LIG3: variants seen among roughly 807,000 people sequenced by gnomAD.
LIG3 encodes the protein ligase II, DNA, ATP-dependent.
A neutral mutation model predicts 110.9 loss-of-function variants in LIG3; 58 were observed. The ratio of observed to expected loss-of-function variants is 0.52; its 90% CI spans 0.42 to 0.65. LIG3 has a LOEUF of 0.65. LIG3 is among the 30% of genes least tolerant of loss of function. LIG3 has a pLI of 0.00. For synonymous variants in LIG3, 422 were observed against 472.8 expected, an observed-to-expected ratio of 0.89 and a Z score of 1.39; for missense variants, 1,094 against 1,273.8, an observed-to-expected ratio of 0.86 and a Z score of 2.15.
At position 35,004,415 on chromosome 17, in the gene LIG3, G is replaced by T. The variant is rs1226298526; in HGVS notation, c.2939G>T (p.Gly980Val). 1 of 1,614,224 alleles carries T rather than the reference G, an allele frequency of 6.2e-7. No individual in the cohort carries two copies. Among genetic ancestry groups the T allele is most frequent in the Non-Finnish European group, 8.5e-7 (1 of 1,180,052 alleles). ...ATGACTTCAGCCACGCACGTGCTGG[G>T]TAGCAGGGACAAGAACCCTGCGGCC... is the stretch of plus-strand genomic sequence containing the variant. Reference protein sequence around the residue: ...FDMTSATHVLGSRDKNPAAQQ... With the variant: ...FDMTSATHVLVSRDKNPAAQQ... The change falls in exon 20 of 20, where the codon GGT becomes GTT. Residue 980 changes from glycine to valine, a missense_variant. Coordinates refer to ENST00000378526, the MANE Select transcript of LIG3 (RefSeq NM_013975.4).
chr17:34,997,707 G>C (rs781300512), intron 11 of LIG3, 31 bp from the exon 12 acceptor site: 10 of 1,529,760 alleles, frequency 6.5e-6, no homozygotes, highest in Non-Finnish European at 9.1e-6. Context: ...GGAGGATCCC[G>C]GCCTAACCTC....
intron 4 of LIG3, 26 bp downstream of exon 4, chr17:34,989,689 C>T: frequency 1.2e-6 from 2 of 1,609,842 alleles, no homozygotes; most frequent in Non-Finnish European, 1.7e-6. Flanking sequence ...CCTGAATAGG[C>T]CTTTCCTCCG....
At chr17:35,002,238 A>C in intron 18 of LIG3, 134 bp downstream of exon 18, 1 of 792,744 alleles carries the variant, frequency 1.3e-6, no homozygotes, top group East Asian at 2.9e-5. Context: ...GACACAGACT[A>C]CATTCCTGGT....
chr17:34,987,810 T>A (rs1449503155), intron 3 of LIG3, among the ~76,000 whole-genome samples: 1 of 152,202 alleles, frequency 6.6e-6, no homozygotes, highest in Non-Finnish European at 1.5e-5. Context: ...TCATCATATC[T>A]CCATGCCTCA....
In LIG3 at chr17:35,005,101, A is replaced by G. The variant is rs913296924; in HGVS notation, c.*595A>G. ...CTCCTATTACATGGTGAGGATCCCC[A>G]GTTTGAAGGGAGGGGACTAGGGTCA... On this transcript the variant is annotated 3_prime_UTR_variant, in exon 20 of 20. Transcript: ENST00000378526. 27 of 338,936 alleles carry G rather than the reference A, an allele frequency of 8.0e-5. No homozygotes were observed. Among genetic ancestry groups the G allele is most frequent in the African/African-American group, 5.8e-4 (27 of 46,602 alleles). 21.0% of individuals were successfully genotyped at this position (338,936 alleles called of 1,614,324 possible). A position where few individuals can be genotyped will look rare whatever the true frequency, so the allele number is the denominator to read the frequency against.
rs1203944340 is a variant in LIG3 at position 35,009,434 on chromosome 17, G to A, written c.*4928G>A. The A allele has an allele frequency of 1.3e-5, 2 of 152,074 alleles. No homozygotes were observed. The highest frequency in any genetic ancestry group is 2.9e-5 in the Non-Finnish European group (2 of 68,016). 9.4% of individuals were successfully genotyped at this position (152,074 alleles called of 1,614,324 possible). ...AGCTACGGAATAATTCTAAGAATTA[G>A]ATGTTTCCATATCATTAAAACCAAG... On this transcript the variant is annotated 3_prime_UTR_variant, in exon 20 of 20. Coordinates refer to ENST00000378526, the MANE Select transcript of LIG3 (RefSeq NM_013975.4).
At chr17:34,982,601 C>A (rs1002069436) in intron 1 of LIG3, among the ~76,000 whole-genome samples, 2 of 150,690 alleles carry the variant, frequency 1.3e-5, no homozygotes, top group African/African-American at 4.9e-5. Context: ...GAGCCAAGAT[C>A]GCGCCAATGT....
chr17:34,992,828 CAAGGGGGT>C, intron 8 of LIG3, 136 bp downstream of exon 8: 1 of 851,206 alleles, frequency 1.2e-6, no homozygotes, highest in Non-Finnish European at 1.7e-6. Flanking sequence ...GAGGGAGGTG[CAAGGGGGT>C]ATTTCTCTGT....
Position 35,006,881 on chromosome 17 carries a change from G to C in LIG3, c.*2375G>C, listed in dbSNP as rs2090899152. On this transcript the variant is annotated 3_prime_UTR_variant, in exon 20 of 20. Transcript: ENST00000378526. ...ACTGTTTAAAATGTGTATGTTGGGGGAGTAGGGACAGCACGGGGGAGGGGT... is the reference window on the plus strand; with the variant it reads ...ACTGTTTAAAATGTGTATGTTGGGGCAGTAGGGACAGCACGGGGGAGGGGT... 6.6e-6 allele frequency: 1 copy of C among 152,308 alleles called. No individual in the cohort carries two copies. Among genetic ancestry groups the C allele is most frequent in the African/African-American group, 2.4e-5 (1 of 41,446 alleles). 9.4% of individuals were successfully genotyped at this position (152,308 alleles called of 1,614,324 possible). A position where few individuals can be genotyped will look rare whatever the true frequency, so the allele number is the denominator to read the frequency against.
At chr17:34,998,139 T>C in intron 12 of LIG3, 80 bp from the exon 13 acceptor site, 1 of 1,006,604 alleles carries the variant, frequency 9.9e-7, no homozygotes, top group South Asian at 1.5e-5. Context: ...ACTTAACTAG[T>C]GTGTGAAAAG....
chr17:35,004,702 G>A lies in LIG3; in HGVS notation c.*196G>A, dbSNP rs2142294876. The stretch of plus-strand genomic sequence containing the variant: ...CAGCTGAAGTCAGTTTGTCTTGCTG[G>A]TTTAAATAGATCTTTCAGAGCTGGG... On this transcript the variant is annotated 3_prime_UTR_variant, in exon 20 of 20. Coordinates refer to ENST00000378526, the MANE Select transcript of LIG3 (RefSeq NM_013975.4). 8.8e-6 allele frequency: 5 copies of A among 566,604 alleles called. No homozygotes were observed. Among genetic ancestry groups the A allele is most frequent in the East Asian group, 2.9e-5 (1 of 34,844 alleles). 35.1% of individuals were successfully genotyped at this position (566,604 alleles called of 1,614,324 possible).
At chr17:34,997,994 G>T (rs2090797366) in intron 12 of LIG3, 169 bp downstream of exon 12, 1 of 660,810 alleles carries the variant, frequency 1.5e-6, no homozygotes, top group Non-Finnish European at 2.6e-6. Context: ...CACCCAGAAG[G>T]GTAGGGCATG....
chr17:35,006,201 G>A lies in LIG3; in HGVS notation c.*1695G>A, dbSNP rs2090894181. On this transcript the variant is annotated 3_prime_UTR_variant, in exon 20 of 20. Coordinates refer to ENST00000378526, the MANE Select transcript of LIG3 (RefSeq NM_013975.4). ...CTATTCAATAGAACTTTTTGCAGCA[G>A]TGGAAATATCCATAAATCTGCAGTA... The A allele has an allele frequency of 6.5e-6, 1 of 154,118 alleles. No individual in the cohort carries two copies. Among genetic ancestry groups the A allele is most frequent in the Non-Finnish European group, 1.4e-5 (1 of 69,416 alleles). The allele number at this position is 154,118 out of a possible 1,614,324, so 9.5% of individuals were successfully genotyped here.
Position 35,004,357 on chromosome 17 carries a change from G to A in LIG3, c.2881G>A (p.Ala961Thr). The A allele has an allele frequency of 6.2e-7, 1 of 1,614,164 alleles. No individual in the cohort carries two copies. The highest frequency in any genetic ancestry group is 1.7e-5 in the Admixed American group (1 of 60,020). The change falls in exon 20 of 20, where the codon GCA becomes ACA. Residue 961 changes from alanine to threonine, a missense_variant. Transcript: ENST00000378526. ...CAGCCGTCTCAGACGCTACTTTGTG[G>A]CATTCGACGGGGACCTGGTACAGGA... ...DFSRLRRYFV[A>T]FDGDLVQEFD... is the part of the protein sequence containing the mutation.
chr17:34,996,517 AT>A (rs2090779598), intron 10 of LIG3, 56 bp from the exon 11 acceptor site: 4 of 1,412,828 alleles, frequency 2.8e-6, no homozygotes, highest in Non-Finnish European at 4.0e-6. Context: ...GGTACTCCTT[AT>A]TTTTTCACAC....
Position 35,001,300 on chromosome 17 carries a change from C to G in LIG3, c.2375C>G (p.Ser792Trp). 6.2e-7 allele frequency: 1 copy of G among 1,614,138 alleles called. No homozygotes were observed. The highest frequency in any genetic ancestry group is 8.5e-7 in the Non-Finnish European group (1 of 1,179,998). ...WEITGAEFSK[S>W]EAHTADGISI... is the part of the protein sequence containing the mutation. ...ATCACAGGGGCTGAATTCTCCAAAT[C>G]GGAGGCTCATACAGCTGACGGGATC... Residue 792 changes from serine to tryptophan, a missense_variant, in exon 17 of 20, where the codon TCG becomes TGG. Physicochemically the swap from Ser to Trp is radical, Grantham distance 177. Transcript: ENST00000378526.
Position 35,002,706 on chromosome 17 carries a change from G to T in LIG3, c.2713G>T (p.Gly905Trp). 6.2e-7 allele frequency: 1 copy of T among 1,613,734 alleles called. No homozygotes were observed. Among genetic ancestry groups the T allele is most frequent in the Non-Finnish European group, 8.5e-7 (1 of 1,179,880 alleles). ...QTAKPSAMKVGEKLATKSSPV... is the reference protein window; with the variant it reads ...QTAKPSAMKVWEKLATKSSPV... The stretch of plus-strand genomic sequence containing the variant: ...TGCAAAGCCTTCCGCTATGAAGGTG[G>T]GGGAGAAGCTGGCCACAAAGTCTTC... Residue 905 changes from glycine (G) to tryptophan (W), a missense_variant, in exon 19 of 20, where the codon GGG becomes TGG. Gly to Trp is a radical substitution (Grantham distance 184). Coordinates refer to ENST00000378526, the MANE Select transcript of LIG3 (RefSeq NM_013975.4).
intron 3 of LIG3, among the ~76,000 whole-genome samples, chr17:34,987,464 G>T (rs1289359375): frequency 3.3e-5 from 5 of 152,184 alleles, no homozygotes; most frequent in Non-Finnish European, 7.3e-5. Flanking sequence ...CTGTGTTGCT[G>T]CTTTTATTGT....
At position 35,006,421 on chromosome 17, in the gene LIG3, C is replaced by T. The variant is rs936247050; in HGVS notation, c.*1915C>T. 12 of 152,316 alleles carry T rather than the reference C, an allele frequency of 7.9e-5. No homozygotes were observed. Among genetic ancestry groups the T allele is most frequent in the African/African-American group, 2.7e-4 (11 of 41,438 alleles). 9.4% of individuals were successfully genotyped at this position (152,316 alleles called of 1,614,324 possible). A position where few individuals can be genotyped will look rare whatever the true frequency, so the allele number is the denominator to read the frequency against. ...AATGGCTCTAACCTTAGGCAAGTTA[C>T]GTTAACATCTAAGCCTCAATCCCTC... On this transcript the variant is annotated 3_prime_UTR_variant, in exon 20 of 20. Coordinates refer to ENST00000378526, the MANE Select transcript of LIG3 (RefSeq NM_013975.4).
Sources: allele counts gnomAD v4.1 joint callset (sites outside exome capture counted in the v4.1 genomes callset), GRCh38; gene constraint gnomAD v4.1.1; transcripts MANE v1.5; gene names NCBI Gene and HGNC (gene_info 2026-07-23, HGNC 2026-07-21).